NBAS: variants seen among roughly 807,000 people sequenced by gnomAD.
NBAS encodes NBAS subunit of NRZ tethering complex, also known as NAG/BC035112 fusion.
Under a neutral mutation model 302.5 loss-of-function variants are expected in NBAS, and 219 were observed. That is an observed-to-expected ratio of 0.72 (90% CI 0.65 to 0.81). The LOEUF (loss-of-function observed/expected upper bound fraction) is 0.81. Among genes scored for constraint, NBAS ranks in the 30% least tolerant of loss-of-function variants. NBAS has a pLI of 0.00. For synonymous variants in NBAS, 1,118 were observed against 1,021.6 expected (o/e 1.09, Z -1.80); for missense variants, 2,932 against 2,841.6 (o/e 1.03, Z -0.72).
intron 19 of NBAS, among the ~76,000 whole-genome samples, chr2:15,463,550 T>A (rs1277795920): frequency 6.6e-6 from 1 of 152,112 alleles, no homozygotes; most frequent in Non-Finnish European, 1.5e-5. Flanking sequence ...AAGTCCCTCA[T>A]TCCTTCTATC....
At chr2:15,000,985 C>T in the NBAS span, among the ~76,000 whole-genome samples, 1 of 152,140 alleles carries the variant, frequency 6.6e-6, no homozygotes, top group East Asian at 1.9e-4. Flanking sequence ...ATGATGGGAA[C>T]AGACATGGGC....
chr2:14,862,090 G>A, the NBAS span, among the ~76,000 whole-genome samples: 85,573 of 151,926 alleles, frequency 0.56, 26,493 homozygotes, highest in African/African-American at 0.84. Flanking sequence ...GATCATTGAC[G>A]TTGTTTTCAA....
rs140764117 is a variant in NBAS, at chr2:15,328,057, C to G, written c.4461+142G>C. ...AATCTCATAATGGTCATAATATATACCAAAAAAATGTAAAAACCAATGAAT... is the reference window on the plus strand; with the variant it reads ...AATCTCATAATGGTCATAATATATAGCAAAAAAATGTAAAAACCAATGAAT... On this transcript the variant is annotated intron_variant, in intron 37 of 51. Coordinates refer to ENST00000281513, the MANE Select transcript of NBAS (RefSeq NM_015909.4). 1,041 of 1,152,230 alleles carry G rather than the reference C, an allele frequency of 9.0e-4. 11 individuals carry two copies. The African/African-American group carries it at 0.015, about 17-fold the overall frequency. The allele number at this position is 1,152,230 out of a possible 1,614,324, so 71.4% of individuals were successfully genotyped here. A position where few individuals can be genotyped will look rare whatever the true frequency, so the allele number is the denominator to read the frequency against.
the NBAS span, among the ~76,000 whole-genome samples, chr2:14,870,302 C>T: frequency 6.6e-6 from 1 of 152,164 alleles, no homozygotes; most frequent in Admixed American, 6.5e-5. Flanking sequence ...AAAAAAATTC[C>T]AGAGAGCTGC....
chr2:14,848,168 G>A, the NBAS span, among the ~76,000 whole-genome samples: 13 of 151,950 alleles, frequency 8.6e-5, no homozygotes, highest in South Asian at 2.1e-4. Context: ...CTGAGGTACC[G>A]GGTTCATCTC....
At chr2:15,160,411 A>C in the NBAS span, among the ~76,000 whole-genome samples, 4 of 152,220 alleles carry the variant, frequency 2.6e-5, no homozygotes, top group African/African-American at 9.6e-5. Context: ...CTGTGGACGC[A>C]GCAGGGAGGC....
At chr2:15,269,307 T>C (rs1669212669) in intron 44 of NBAS, among the ~76,000 whole-genome samples, 1 of 152,204 alleles carries the variant, frequency 6.6e-6, no homozygotes, top group African/African-American at 2.4e-5. Context: ...GGTAGACATA[T>C]GCCTCAGTTA....
At chr2:15,456,693 G>T (rs1679262246) in intron 21 of NBAS, among the ~76,000 whole-genome samples, 1 of 152,170 alleles carries the variant, frequency 6.6e-6, no homozygotes, top group Non-Finnish European at 1.5e-5. Flanking sequence ...GTCCATTGGA[G>T]CTGCTATTTC....
intron 6 of NBAS, among the ~76,000 whole-genome samples, chr2:15,541,112 T>A (rs1005154387): frequency 1.3e-5 from 2 of 152,166 alleles, no homozygotes; most frequent in African/African-American, 4.8e-5. Context: ...TGTTACCTCC[T>A]CCTTCCTTGA....
chr2:15,442,025 CAA>C (rs1264862793), intron 21 of NBAS, among the ~76,000 whole-genome samples: 3 of 138,774 alleles, frequency 2.2e-5, no homozygotes, highest in Non-Finnish European at 3.1e-5. Flanking sequence ...GAGTGACCTA[CAA>C]AGAGACTTAG....
At chr2:14,789,753 T>A in the NBAS span, among the ~76,000 whole-genome samples, 1 of 152,182 alleles carries the variant, frequency 6.6e-6, no homozygotes, top group Non-Finnish European at 1.5e-5. Flanking sequence ...TCTATACTGA[T>A]CCATTTGTTT....
the NBAS span, among the ~76,000 whole-genome samples, chr2:15,056,652 G>C: frequency 2.0e-5 from 3 of 152,120 alleles, no homozygotes; most frequent in Non-Finnish European, 4.4e-5. Flanking sequence ...TTTTGGCAAA[G>C]GCTGGCTGTG....
chr2:15,307,867 G>A (rs1345552842), intron 40 of NBAS, among the ~76,000 whole-genome samples: 1 of 151,442 alleles, frequency 6.6e-6, no homozygotes, highest in Non-Finnish European at 1.5e-5. Context: ...ACTTTCCTAA[G>A]TTAGGCAAAG....
At chr2:14,883,875 C>G in the NBAS span, among the ~76,000 whole-genome samples, 1 of 151,732 alleles carries the variant, frequency 6.6e-6, no homozygotes, top group Non-Finnish European at 1.5e-5. Flanking sequence ...GTAGGAGGAT[C>G]ACCTGAGCCT....
the NBAS span, among the ~76,000 whole-genome samples, chr2:15,142,294 C>T: frequency 6.6e-6 from 1 of 152,128 alleles, no homozygotes; most frequent in African/African-American, 2.4e-5. Context: ...AACCTCTGCC[C>T]GAAACAGCAC....
intron 30 of NBAS, among the ~76,000 whole-genome samples, chr2:15,376,780 A>G (rs1428722748): frequency 6.6e-6 from 1 of 152,160 alleles, no homozygotes; most frequent in African/African-American, 2.4e-5. Context: ...TTAAGAATGT[A>G]TGGGTTATTC....
chr2:15,002,066 A>C, the NBAS span, among the ~76,000 whole-genome samples: 1 of 152,146 alleles, frequency 6.6e-6, no homozygotes, highest in Non-Finnish European at 1.5e-5. Flanking sequence ...TGAGCTAGAC[A>C]CAAAGGTTCT....
At chr2:14,846,761 A>T in the NBAS span, among the ~76,000 whole-genome samples, 1 of 152,134 alleles carries the variant, frequency 6.6e-6, no homozygotes, top group South Asian at 2.1e-4. Flanking sequence ...AAAATAATGG[A>T]TTATAAGATA....
chr2:14,881,825 G>T, the NBAS span, among the ~76,000 whole-genome samples: 1 of 152,126 alleles, frequency 6.6e-6, no homozygotes, highest in Non-Finnish European at 1.5e-5. Context: ...TTACTAGCTG[G>T]CCTTTTAACA....
Sources: allele counts gnomAD v4.1 joint callset (sites outside exome capture counted in the v4.1 genomes callset), GRCh38; gene constraint gnomAD v4.1.1; transcripts MANE v1.5; gene names NCBI Gene and HGNC (gene_info 2026-07-23, HGNC 2026-07-21).